Variants in SIGLEC15 observed in about 807,000 individuals in gnomAD.
SIGLEC15 encodes sialic acid binding Ig like lectin 15, also known as sialic acid-binding Ig-like lectin 15.
SIGLEC15 carries 31 observed loss-of-function variants against 26.2 expected under a neutral mutation model. The observed-to-expected ratio is 1.18, with a 90% confidence interval of 0.89 to 1.60. SIGLEC15 has a LOEUF of 1.60. SIGLEC15 is among the 40% of genes most tolerant of loss of function. The probability of loss-of-function intolerance (pLI) is 0.00; values close to 1 mark genes in which losing one functional copy is unlikely to be tolerated. For synonymous variants in SIGLEC15, 207 were observed against 221.9 expected (o/e 0.93, Z 0.60); for missense variants, 501 against 488.4 (o/e 1.03, Z -0.24).
chr18:45,832,646 C>T (rs947904319), intron 1 of SIGLEC15, among the ~76,000 whole-genome samples: 1 of 152,166 alleles, frequency 6.6e-6, no homozygotes, highest in African/African-American at 2.4e-5. Flanking sequence ...TGTGGGTCTC[C>T]TGATGACCCC....
intron 1 of SIGLEC15, chr18:45,829,042 C>T: frequency 1.0e-6 from 1 of 964,952 alleles, no homozygotes; most frequent in African/African-American, 1.8e-5. Flanking sequence ...GTGAAGGGAG[C>T]AGGGATCACT....
At position 45,825,733 on chromosome 18, in the gene SIGLEC15, A is replaced by G; in HGVS notation, c.5A>G (p.Glu2Gly). 6.2e-7 allele frequency: 1 copy of G among 1,614,218 alleles called. No homozygotes were observed. Among genetic ancestry groups the G allele is most frequent in the Non-Finnish European group, 8.5e-7 (1 of 1,180,024 alleles). The change falls in exon 1 of 6, where the codon GAA becomes GGA. Residue 2 changes from glutamate to glycine, a missense_variant. Glu to Gly is a moderately conservative substitution (Grantham distance 98). Coordinates refer to ENST00000389474, the MANE Select transcript of SIGLEC15 (RefSeq NM_213602.3). ...GGGTGTTCAGATGCTCACAGCATGG[A>G]AAAGTCCATCTGGCTGCTGGCCTGC... Reference protein sequence around the residue: MEKSIWLLACLA... With the variant: MGKSIWLLACLA...
Position 45,842,442 on chromosome 18 carries a change from T to TGAGA in SIGLEC15, c.*271_*274dup, listed in dbSNP as rs61267857. The TGAGA allele has an allele frequency of 4.3e-3, 1,467 of 344,494 alleles. 6 individuals carry two copies. The highest frequency in any genetic ancestry group is 0.023 in the South Asian group (469 of 20,248). The allele number at this position is 344,494 out of a possible 1,614,324, so 21.3% of individuals were successfully genotyped here. ...ATACGTCTGTGTGTGTGTGTGTGTG[T>TGAGA]GAGAGAGAGAGAGAGAGAGTACACG... On this transcript the variant is annotated 3_prime_UTR_variant, in exon 6 of 6. Coordinates refer to ENST00000389474, the MANE Select transcript of SIGLEC15 (RefSeq NM_213602.3).
At chr18:45,834,375 A>T (rs2048259459) in intron 1 of SIGLEC15, among the ~76,000 whole-genome samples, 1 of 152,214 alleles carries the variant, frequency 6.6e-6, no homozygotes, top group Non-Finnish European at 1.5e-5. Flanking sequence ...GAGTGTCTGG[A>T]CAAGACACAC....
intron 1 of SIGLEC15, among the ~76,000 whole-genome samples, chr18:45,831,573 A>G (rs1477003501): frequency 6.6e-6 from 1 of 152,248 alleles, no homozygotes; most frequent in Non-Finnish European, 1.5e-5. Flanking sequence ...AGCACCCAGC[A>G]GAGTCTCTAG....
intron 1 of SIGLEC15, among the ~76,000 whole-genome samples, chr18:45,832,040 T>C (rs867438394): frequency 3.9e-5 from 6 of 152,228 alleles, no homozygotes; most frequent in Admixed American, 3.9e-4. Context: ...CCCAACATCT[T>C]AACCCCCTGT....
In SIGLEC15 at chr18:45,840,240, C is replaced by T. The variant is rs752519661; in HGVS notation, c.904C>T (p.Arg302Trp). 4.2e-5 allele frequency: 68 copies of T among 1,612,124 alleles called. No homozygotes were observed. The highest frequency in any genetic ancestry group is 5.4e-5 in the Non-Finnish European group (64 of 1,179,222). Residue 302 changes from arginine to tryptophan, a missense_variant and splice_region_variant, in exon 5 of 6, where the codon CGG becomes TGG. Transcript: ENST00000389474. ...EHLDTPDTPP[R>W]SQAQESNYEN... ...TCTGGACACCCCGGACACCCCACCA[C>T]GGTAAGTGAGCTCCCCGCCTCCACC...
At chr18:45,838,199 ATGGCAAT>A (rs1358991053) in intron 3 of SIGLEC15, among the ~76,000 whole-genome samples, 1 of 152,208 alleles carries the variant, frequency 6.6e-6, no homozygotes, top group Non-Finnish European at 1.5e-5. Flanking sequence ...AGACAAGTGA[ATGGCAAT>A]CCTAAATATG....
rs1360053716 is a variant in SIGLEC15 at position 45,843,521 on chromosome 18, A to G, written c.*1334A>G. ...AGAAAGTGGAGAAAGAGGAATCCCCATATACTATTGGTGGGAATGTAAATT... is the reference window on the plus strand; with the variant it reads ...AGAAAGTGGAGAAAGAGGAATCCCCGTATACTATTGGTGGGAATGTAAATT... On this transcript the variant is annotated 3_prime_UTR_variant, in exon 6 of 6. Transcript: ENST00000389474. 1 of 152,254 alleles carries G rather than the reference A, an allele frequency of 6.6e-6. No individual in the cohort carries two copies. The highest frequency in any genetic ancestry group is 1.5e-5 in the Non-Finnish European group (1 of 68,058). 9.4% of individuals were successfully genotyped at this position (152,254 alleles called of 1,614,324 possible). A position where few individuals can be genotyped will look rare whatever the true frequency, so the allele number is the denominator to read the frequency against.
intron 5 of SIGLEC15, among the ~76,000 whole-genome samples, chr18:45,841,830 G>A (rs915458910): frequency 6.6e-5 from 10 of 152,208 alleles, no homozygotes; most frequent in Non-Finnish European, 1.2e-4. Context: ...AGGCCAGGCC[G>A]GAGATTCCGA....
chr18:45,830,945 A>T (rs2048230751), intron 1 of SIGLEC15, among the ~76,000 whole-genome samples: 1 of 152,072 alleles, frequency 6.6e-6, no homozygotes, highest in Non-Finnish European at 1.5e-5. Flanking sequence ...TGTCATTTTT[A>T]TCCAAGTATC....
chr18:45,837,228 G>A, intron 2 of SIGLEC15, 140 bp downstream of exon 2: 1 of 1,396,400 alleles, frequency 7.2e-7, no homozygotes, highest in Non-Finnish European at 9.4e-7. Flanking sequence ...GCCTGCAGGT[G>A]AATTAGGAAA....
chr18:45,840,081 T>C, intron 4 of SIGLEC15, 130 bp from the exon 5 acceptor site: 1 of 951,546 alleles, frequency 1.1e-6, no homozygotes. Context: ...CACACCCTGC[T>C]AGTCTGCTGT....
intron 1 of SIGLEC15, among the ~76,000 whole-genome samples, chr18:45,828,899 G>A (rs959355010): frequency 3.3e-5 from 5 of 152,256 alleles, no homozygotes; most frequent in Non-Finnish European, 7.3e-5. Flanking sequence ...GTCAGGACCG[G>A]AGGACATGGG....
At chr18:45,837,233 A>T (rs1231940942) in intron 2 of SIGLEC15, 145 bp downstream of exon 2, 1 of 1,383,810 alleles carries the variant, frequency 7.2e-7, no homozygotes, top group African/African-American at 1.5e-5. Context: ...CAGGTGAATT[A>T]GGAAACGAAG....
At chr18:45,829,159 T>C in intron 1 of SIGLEC15, 2 of 985,468 alleles carry the variant, frequency 2.0e-6, no homozygotes, top group Non-Finnish European at 2.4e-6. Context: ...GGTCAGCCTG[T>C]GGCCCTGCCT....
At chr18:45,828,657 GA>G (rs2048206392) in intron 1 of SIGLEC15, among the ~76,000 whole-genome samples, 1 of 152,214 alleles carries the variant, frequency 6.6e-6, no homozygotes, top group Non-Finnish European at 1.5e-5. Flanking sequence ...CTGCAATGGG[GA>G]TTTGGTGACT....
At chr18:45,828,837 TAGC>T (rs765060198) in intron 1 of SIGLEC15, among the ~76,000 whole-genome samples, 2 of 152,126 alleles carry the variant, frequency 1.3e-5, no homozygotes, top group East Asian at 1.9e-4. Context: ...GCAAGACAAA[TAGC>T]AGCGGTCACC....
At chr18:45,828,605 A>G (rs547686655) in intron 1 of SIGLEC15, among the ~76,000 whole-genome samples, 221 of 152,252 alleles carry the variant, frequency 1.5e-3, no homozygotes, top group African/African-American at 3.2e-3. Flanking sequence ...CAAACAGTTC[A>G]TTTACTCTTC....
Sources: allele counts gnomAD v4.1 joint callset (sites outside exome capture counted in the v4.1 genomes callset), GRCh38; gene constraint gnomAD v4.1.1; transcripts MANE v1.5; gene names NCBI Gene and HGNC (gene_info 2026-07-23, HGNC 2026-07-21).